The following HIBADH variants were observed in gnomAD, a reference collection of about 807,000 sequenced individuals.
HIBADH encodes 3-hydroxyisobutyrate dehydrogenase, also known as 3-hydroxyisobutyrate dehydrogenase, mitochondrial.
Under a neutral mutation model 36.1 loss-of-function variants are expected in HIBADH, and 25 were observed. The ratio of observed to expected loss-of-function variants is 0.69; its 90% CI spans 0.50 to 0.97. The LOEUF is 0.97. HIBADH is among the 50% of genes least tolerant of loss of function. The pLI, the probability that HIBADH is intolerant of heterozygous loss-of-function variation, is 0.00. For synonymous variants in HIBADH, 160 were observed against 149.5 expected, an observed-to-expected ratio of 1.07 and a Z score of -0.51; for missense variants, 421 against 418.0, an observed-to-expected ratio of 1.01 and a Z score of -0.06.
intron 4 of HIBADH, among the ~76,000 whole-genome samples, chr7:27,544,442 C>T (rs1245566932): frequency 6.6e-6 from 1 of 152,184 alleles, no homozygotes; most frequent in Non-Finnish European, 1.5e-5. Flanking sequence ...AATATCTTCA[C>T]TTTGGATTAT....
intron 4 of HIBADH, among the ~76,000 whole-genome samples, chr7:27,561,034 G>A (rs1784459632): frequency 6.6e-6 from 1 of 152,072 alleles, no homozygotes; most frequent in South Asian, 2.1e-4. Flanking sequence ...TTGTGGTTTT[G>A]ATTTGCCCTT....
intron 1 of HIBADH, among the ~76,000 whole-genome samples, chr7:27,659,906 A>C (rs983317913): frequency 6.8e-6 from 1 of 147,464 alleles, no homozygotes; most frequent in Non-Finnish European, 1.5e-5. Flanking sequence ...ATTTTTTTTT[A>C]AATTAGCTAG....
In HIBADH at chr7:27,527,482, C is replaced by T. The variant is rs541129717; in HGVS notation, c.853-1110G>A. On this transcript the variant is annotated intron_variant, in intron 7 of 7. Coordinates refer to ENST00000265395, the MANE Select transcript of HIBADH (RefSeq NM_152740.4). ...ATATTCAAGAAGCAGAATGAACAAACGTCATGGGGAATGAGGGAGAGTAAG... is the reference window on the plus strand; with the variant it reads ...ATATTCAAGAAGCAGAATGAACAAATGTCATGGGGAATGAGGGAGAGTAAG... 5.9e-5 allele frequency among the ~76,000 whole-genome samples: 9 copies of T among 152,248 alleles called. No individual in the cohort carries two copies. In the South Asian group the frequency reaches 1.7e-3, roughly 28 times the overall value.
At chr7:27,620,033 G>T (rs939396080) in intron 4 of HIBADH, among the ~76,000 whole-genome samples, 1 of 152,144 alleles carries the variant, frequency 6.6e-6, no homozygotes, top group East Asian at 1.9e-4. Flanking sequence ...GTCTAAAGTC[G>T]AATCCAGCAG....
At chr7:27,605,455 A>C (rs1583592882) in intron 4 of HIBADH, among the ~76,000 whole-genome samples, 1 of 84,248 alleles carries the variant, frequency 1.2e-5, no homozygotes, top group Non-Finnish European at 2.1e-5. Flanking sequence ...ACCTGCTGAC[A>C]CTTTTTTTTT....
intron 4 of HIBADH, among the ~76,000 whole-genome samples, chr7:27,547,068 A>C (rs1225843012): frequency 1.3e-5 from 2 of 152,132 alleles, no homozygotes; most frequent in African/African-American, 4.8e-5. Context: ...TAAAATCCCA[A>C]GTCCTACAAA....
In HIBADH at chr7:27,662,813, G is replaced by C. The variant is rs1237787116; in HGVS notation, c.-25C>G. On this transcript the variant is annotated 5_prime_UTR_variant, in exon 1 of 8. Transcript: ENST00000265395. ...TGCTGCGCCCGCCCCTCTCCCCGCG[G>C]TGACCTCCGCCGCCTCCCGGAGGGC... The C allele has an allele frequency of 1.1e-5, 16 of 1,460,596 alleles. No homozygotes were observed. The highest frequency in any genetic ancestry group is 1.4e-5 in the Non-Finnish European group (15 of 1,101,768). 90.5% of individuals were successfully genotyped at this position (1,460,596 alleles called of 1,614,324 possible). A position where few individuals can be genotyped will look rare whatever the true frequency, so the allele number is the denominator to read the frequency against.
rs532544033 is a variant in HIBADH at position 27,573,275 on chromosome 7, G to A, written c.485-30175C>T. ...GTCCTCATCCAGCCCCATAATACAT[G>A]GTAAACATGGATTACTTCTTCAGGA... On this transcript the variant is annotated intron_variant, in intron 4 of 7. Coordinates refer to ENST00000265395, the MANE Select transcript of HIBADH (RefSeq NM_152740.4). 1.4e-3 allele frequency among the ~76,000 whole-genome samples: 214 copies of A among 152,130 alleles called. 1 individual carries two copies. The highest frequency in any genetic ancestry group is 4.9e-3 in the African/African-American group (205 of 41,518).
At chr7:27,632,956 C>A (rs1473727537) in intron 2 of HIBADH, among the ~76,000 whole-genome samples, 1 of 151,984 alleles carries the variant, frequency 6.6e-6, no homozygotes, top group African/African-American at 2.4e-5. Context: ...AAGAAAGTAT[C>A]TGTTTCAGAA....
chr7:27,612,481 C>T (rs1046592148), intron 4 of HIBADH, among the ~76,000 whole-genome samples: 5 of 151,876 alleles, frequency 3.3e-5, no homozygotes, highest in African/African-American at 7.3e-5. Flanking sequence ...ACTGCCACCA[C>T]GCCCAGATAC....
intron 4 of HIBADH, among the ~76,000 whole-genome samples, chr7:27,597,182 T>C (rs1039412263): frequency 1.8e-4 from 27 of 152,116 alleles, no homozygotes; most frequent in Non-Finnish European, 2.9e-5. Context: ...CTATAATTCA[T>C]ATATTTACTT....
At chr7:27,526,480 A>C in intron 7 of HIBADH, 108 bp from the exon 8 acceptor site, 1 of 813,142 alleles carries the variant, frequency 1.2e-6, no homozygotes, top group Non-Finnish European at 1.8e-6. Context: ...AATCTGAAAA[A>C]ATAAGATACT....
At chr7:27,599,576 G>A (rs1216370040) in intron 4 of HIBADH, among the ~76,000 whole-genome samples, 1 of 150,700 alleles carries the variant, frequency 6.6e-6, no homozygotes, top group African/African-American at 2.4e-5. Flanking sequence ...CAGCTACTGG[G>A]GAGGCTGAGG....
chr7:27,635,338 T>A (rs1273092694), intron 2 of HIBADH, among the ~76,000 whole-genome samples: 2 of 151,988 alleles, frequency 1.3e-5, no homozygotes. Context: ...CTAATTAGAG[T>A]CCTTCAATTA....
intron 2 of HIBADH, among the ~76,000 whole-genome samples, chr7:27,632,779 T>C (rs966178352): frequency 2.0e-5 from 3 of 152,028 alleles, no homozygotes; most frequent in Non-Finnish European, 4.4e-5. Flanking sequence ...CTAAACAGCA[T>C]AATCTTTGGT....
At chr7:27,610,076 C>A (rs538557913) in intron 4 of HIBADH, among the ~76,000 whole-genome samples, 53 of 152,200 alleles carry the variant, frequency 3.5e-4, no homozygotes, top group African/African-American at 1.1e-3. Context: ...ACCTCAGCCT[C>A]CCAAAGTGCT....
At position 27,638,308 on chromosome 7, in the gene HIBADH, C is replaced by CAAAAAAAAAAA. The variant is rs368715218; in HGVS notation, c.253-5874_253-5864dup. Among the ~76,000 whole-genome samples, 452 of 55,354 alleles carry CAAAAAAAAAAA rather than the reference C, an allele frequency of 8.2e-3. 17 individuals carry two copies. The highest frequency in any genetic ancestry group is 0.011 in the Non-Finnish European group (342 of 30,890). 36.3% of individuals were successfully genotyped at this position (55,354 alleles called of 152,430 possible). A position where few individuals can be genotyped will look rare whatever the true frequency, so the allele number is the denominator to read the frequency against. On this transcript the variant is annotated intron_variant, in intron 2 of 7. Coordinates refer to ENST00000265395, the MANE Select transcript of HIBADH (RefSeq NM_152740.4). Reference sequence around the variant, plus strand: ...ATACCCATCTGATCTTTGGCAAAGTCAAAAAAAAAAAAAAAAAAAAAACAA... The same window carrying CAAAAAAAAAAA: ...ATACCCATCTGATCTTTGGCAAAGTCAAAAAAAAAAAAAAAAAAAAAAAAAAAAAAAAACAA...
intron 2 of HIBADH, among the ~76,000 whole-genome samples, chr7:27,644,328 G>A (rs571464079): frequency 1.1e-4 from 16 of 152,060 alleles, no homozygotes; most frequent in South Asian, 8.3e-4. Flanking sequence ...GGCCGGGCAC[G>A]GTGGCTCACA....
rs367579668 is a variant in HIBADH at position 27,539,002 on chromosome 7, T to C, written c.619-585A>G. Among the ~76,000 whole-genome samples, 627 of 152,050 alleles carry C rather than the reference T, an allele frequency of 4.1e-3. 6 individuals are homozygous for C. The highest frequency in any genetic ancestry group is 0.037 in the Middle Eastern group (11 of 294). On this transcript the variant is annotated intron_variant, in intron 5 of 7. Coordinates refer to ENST00000265395, the MANE Select transcript of HIBADH (RefSeq NM_152740.4). Reference sequence around the variant, plus strand: ...ATGTTGCTGGAGATCAGTAAGAAAATTGTTTAATATGCCTGTGTTTTAAGG... The same window carrying C: ...ATGTTGCTGGAGATCAGTAAGAAAACTGTTTAATATGCCTGTGTTTTAAGG...
Sources: gnomAD v4.1 joint callset for allele counts (sites outside exome capture counted in the v4.1 genomes callset) on GRCh38, gnomAD v4.1.1 for gene constraint, MANE v1.5 for transcripts, NCBI Gene and HGNC (gene_info 2026-07-23, HGNC 2026-07-21) for gene names.